The following MALRD1 variants were observed in gnomAD, a reference collection of about 807,000 sequenced individuals.
The protein encoded by MALRD1 is MAM and LDL-receptor class A domain-containing protein 1.
Under a neutral mutation model 242.1 loss-of-function variants are expected in MALRD1, and 247 were observed. The observed-to-expected ratio is 1.02, with a 90% CI of 0.92 to 1.13. The LOEUF (loss-of-function observed/expected upper bound fraction) is 1.13, where lower values mean the gene tolerates loss of function less well. Among genes scored for constraint, MALRD1 ranks in the 50% most tolerant of loss-of-function variants. The probability of loss-of-function intolerance (pLI) is 0.00; values close to 1 mark genes in which losing one functional copy is unlikely to be tolerated. For missense variants in MALRD1, 2,989 were observed against 2,533.1 expected (o/e 1.18, Z -3.86); for synonymous variants, 995 against 866.6 (o/e 1.15, Z -2.60).
At chr10:19,467,433 C>T (rs7918304) in intron 29 of MALRD1, among the ~76,000 whole-genome samples, 109,887 of 136,006 alleles carry the variant, frequency 0.81, 44,790 homozygotes, top group East Asian at 1. Context: ...TTTCTTACAG[C>T]GCTATCTCCA....
intron 26 of MALRD1, among the ~76,000 whole-genome samples, chr10:19,370,669 C>T (rs1011023945): frequency 1.3e-5 from 2 of 152,092 alleles, no homozygotes; most frequent in Admixed American, 6.5e-5. Flanking sequence ...CCTCTGCCTC[C>T]TGGGTTCAAG....
intron 33 of MALRD1, among the ~76,000 whole-genome samples, chr10:19,572,528 T>C (rs1017361920): frequency 1.5e-4 from 23 of 152,110 alleles, no homozygotes; most frequent in Non-Finnish European, 2.8e-4. Context: ...CCTATGGAGA[T>C]TGCACCATAG....
intron 38 of MALRD1, among the ~76,000 whole-genome samples, chr10:19,709,887 G>T (rs541416187): frequency 6.6e-6 from 1 of 152,286 alleles, no homozygotes; most frequent in Admixed American, 6.5e-5. Context: ...TGTTGTAATT[G>T]TATTTGCTGA....
intron 21 of MALRD1, among the ~76,000 whole-genome samples, chr10:19,313,297 A>T (rs1268725470): frequency 3.2e-4 from 1 of 3,146 alleles, no homozygotes; most frequent in African/African-American, 3.8e-3. Flanking sequence ...ATTTTCAATA[A>T]ATATTATTAA....
At chr10:19,649,365 G>A (rs927405301) in intron 36 of MALRD1, among the ~76,000 whole-genome samples, 10 of 152,184 alleles carry the variant, frequency 6.6e-5, no homozygotes, top group Admixed American at 2.0e-4. Context: ...TAGTGTATAA[G>A]TGTTCCCTTT....
intron 28 of MALRD1, among the ~76,000 whole-genome samples, chr10:19,408,000 C>T (rs754541816): frequency 3.9e-5 from 6 of 152,086 alleles, no homozygotes; most frequent in East Asian, 1.9e-4. Context: ...GCTTACCTCA[C>T]GGAAAGCCAA....
chr10:19,193,915 A>G (rs1277168386), intron 14 of MALRD1, among the ~76,000 whole-genome samples: 1 of 152,042 alleles, frequency 6.6e-6, no homozygotes, highest in Non-Finnish European at 1.5e-5. Context: ...GACAGAAAAA[A>G]ATCACATTAT....
chr10:19,299,425 A>G (rs1190765584), intron 21 of MALRD1, among the ~76,000 whole-genome samples: 1 of 151,946 alleles, frequency 6.6e-6, no homozygotes, highest in South Asian at 2.1e-4. Context: ...ATCAAAAAGG[A>G]CAAAGAAGCG....
chr10:19,472,718 C>T (rs1248288066), intron 29 of MALRD1, among the ~76,000 whole-genome samples: 2 of 151,142 alleles, frequency 1.3e-5, no homozygotes, highest in African/African-American at 4.9e-5. Flanking sequence ...TCATATGATC[C>T]TTTGTATCTC....
intron 38 of MALRD1, among the ~76,000 whole-genome samples, chr10:19,729,068 G>A (rs934962085): frequency 3.3e-5 from 5 of 152,082 alleles, no homozygotes; most frequent in African/African-American, 7.3e-5. Flanking sequence ...AAATGTACCC[G>A]CGGTGAGGGT....
At chr10:19,315,264 A>C (rs867648234) in intron 21 of MALRD1, among the ~76,000 whole-genome samples, 25 of 34,492 alleles carry the variant, frequency 7.2e-4, no homozygotes, top group African/African-American at 2.1e-3. Flanking sequence ...AAATATATAA[A>C]TATAATTTAT....
At chr10:19,275,115 A>G (rs1392725264) in intron 19 of MALRD1, among the ~76,000 whole-genome samples, 1 of 152,198 alleles carries the variant, frequency 6.6e-6, no homozygotes, top group Non-Finnish European at 1.5e-5. Context: ...ATTTGTTAAT[A>G]TAAGGATCTG....
At chr10:19,545,464 G>T (rs12355739) in intron 32 of MALRD1, among the ~76,000 whole-genome samples, 5,345 of 152,208 alleles carry the variant, frequency 0.035, 156 homozygotes, top group Middle Eastern at 0.085. Flanking sequence ...TAGATTTCTA[G>T]GTTGAAAATT....
intron 28 of MALRD1, among the ~76,000 whole-genome samples, chr10:19,423,715 G>C (rs762609830): frequency 6.6e-6 from 1 of 152,114 alleles, no homozygotes; most frequent in African/African-American, 2.4e-5. Context: ...CTAGGAGGGA[G>C]GTCATGTGTT....
At chr10:19,080,000 A>C (rs1375310556) in intron 2 of MALRD1, among the ~76,000 whole-genome samples, 1 of 152,046 alleles carries the variant, frequency 6.6e-6, no homozygotes, top group Admixed American at 6.6e-5. Flanking sequence ...CCAAATTATG[A>C]ATGAACTTCC....
At chr10:19,713,724 T>C (rs183411985) in intron 38 of MALRD1, among the ~76,000 whole-genome samples, 27 of 152,304 alleles carry the variant, frequency 1.8e-4, no homozygotes, top group African/African-American at 6.5e-4. Flanking sequence ...AAATATTTTA[T>C]TGCAAGGAGA....
At chr10:19,264,047 C>A (rs1351789914) in intron 19 of MALRD1, among the ~76,000 whole-genome samples, 1 of 152,116 alleles carries the variant, frequency 6.6e-6, no homozygotes, top group African/African-American at 2.4e-5. Context: ...CGCTTTTACC[C>A]ACATCCTCCC....
chr10:19,353,573 C>T (rs1222853705), intron 26 of MALRD1, among the ~76,000 whole-genome samples: 1 of 152,136 alleles, frequency 6.6e-6, no homozygotes, highest in Non-Finnish European at 1.5e-5. Flanking sequence ...GTTAAACAGG[C>T]TCTTTGCCTG....
At chr10:19,171,422 TTATATACA>T (rs1223671802) in intron 13 of MALRD1, among the ~76,000 whole-genome samples, 1,099 of 36,246 alleles carry the variant, frequency 0.03, 48 homozygotes, top group African/African-American at 0.03. Context: ...ATTTTATATT[TTATATACA>T]TATATATATA....
Sources: gnomAD v4.1 joint callset for allele counts (sites outside exome capture counted in the v4.1 genomes callset) on GRCh38, gnomAD v4.1.1 for gene constraint, MANE v1.5 for transcripts, NCBI Gene and HGNC (gene_info 2026-07-23, HGNC 2026-07-21) for gene names.